GNB5: variants seen among roughly 807,000 people sequenced by gnomAD.
GNB5 encodes the protein G protein subunit beta 5.
A neutral mutation model predicts 55.3 loss-of-function variants in GNB5; 37 were observed. The observed-to-expected ratio is 0.67, with a 90% CI of 0.51 to 0.88. The LOEUF (loss-of-function observed/expected upper bound fraction) is 0.88, where lower values mean the gene tolerates loss of function less well. Ranked by LOEUF, GNB5 falls within the 40% of genes least tolerant of loss-of-function variation. The probability of loss-of-function intolerance (pLI) is 0.00; values close to 1 mark genes in which losing one functional copy is unlikely to be tolerated. For synonymous variants in GNB5, 219 were observed against 198.5 expected (o/e 1.10, Z -0.87); for missense variants, 476 against 515.3 (o/e 0.92, Z 0.74).
chr15:52,176,529 G>C (rs892748751), intron 3 of GNB5, among the ~76,000 whole-genome samples: 1 of 152,150 alleles, frequency 6.6e-6, no homozygotes, highest in Admixed American at 6.5e-5. Context: ...GGAGCTGGGC[G>C]AGTCTGGGCT....
intron 3 of GNB5, among the ~76,000 whole-genome samples, chr15:52,178,506 G>A (rs986331198): frequency 6.6e-6 from 1 of 152,214 alleles, no homozygotes; most frequent in Non-Finnish European, 1.5e-5. Flanking sequence ...GTGTGGAGAA[G>A]AAAGGCAGAA....
At chr15:52,154,179 T>C (rs1170621382) in intron 3 of GNB5, 103 bp from the exon 4 acceptor site, 7 of 1,042,948 alleles carry the variant, frequency 6.7e-6, no homozygotes, top group Non-Finnish European at 9.5e-6. Flanking sequence ...GGCGGCCCCA[T>C]GGGCTTCCTC....
chr15:52,161,161 C>T (rs1373924656), intron 3 of GNB5, among the ~76,000 whole-genome samples: 1 of 152,146 alleles, frequency 6.6e-6, no homozygotes, highest in Non-Finnish European at 1.5e-5. Flanking sequence ...ATACTTGGAT[C>T]CCTAAGAACA....
rs532045560 is a variant in GNB5 at position 52,138,022 on chromosome 15, T to C, written c.628-2266A>G. On this transcript the variant is annotated intron_variant, in intron 7 of 12. Coordinates refer to ENST00000261837, the MANE Select transcript of GNB5 (RefSeq NM_016194.4). ...ACCACTGACCACACCACACCTTCAA[T>C]TTCCAGCTGCTGATGGGATCTCTCC... 9.5e-5 allele frequency: 109 copies of C among 1,144,710 alleles called. No individual in the cohort carries two copies. The African/African-American group carries it at 1.6e-3, about 17-fold the overall frequency. The allele number at this position is 1,144,710 out of a possible 1,614,324, so 70.9% of individuals were successfully genotyped here.
At position 52,122,560 on chromosome 15, in the gene GNB5, G is replaced by A. The variant is rs2033297791; in HGVS notation, c.*197C>T. ...CTGTACTTGAAGGTATTCTCGCAGT[G>A]CTGAAGGCTCACACTAGTGTATTTC... On this transcript the variant is annotated 3_prime_UTR_variant, in exon 13 of 13. Transcript: ENST00000261837. 1 of 589,018 alleles carries A rather than the reference G, an allele frequency of 1.7e-6. No homozygotes were observed. The highest frequency in any genetic ancestry group is 2.8e-5 in the East Asian group (1 of 36,312). The allele number at this position is 589,018 out of a possible 1,614,324, so 36.5% of individuals were successfully genotyped here.
At chr15:52,187,597 A>T (rs189110696) in intron 1 of GNB5, among the ~76,000 whole-genome samples, 5 of 152,306 alleles carry the variant, frequency 3.3e-5, no homozygotes, top group Admixed American at 6.5e-5. Flanking sequence ...TTTTCTTCTC[A>T]AACTAAATTT....
chr15:52,169,861 C>A (rs2034526324), intron 3 of GNB5, among the ~76,000 whole-genome samples: 1 of 151,846 alleles, frequency 6.6e-6, no homozygotes, highest in Non-Finnish European at 1.5e-5. Context: ...AGAACTTAAA[C>A]AAATTTACAA....
At chr15:52,123,180 T>A (rs2033318872) in intron 12 of GNB5, among the ~76,000 whole-genome samples, 1 of 152,316 alleles carries the variant, frequency 6.6e-6, no homozygotes, top group African/African-American at 2.4e-5. Flanking sequence ...ACTTTTTTAT[T>A]TGTTTCAGGA....
intron 4 of GNB5, among the ~76,000 whole-genome samples, chr15:52,153,312 C>T (rs2034139570): frequency 1.3e-5 from 2 of 152,202 alleles, no homozygotes; most frequent in Admixed American, 1.3e-4. Context: ...TGAGTCTCCA[C>T]CTTAGTCCAG....
At chr15:52,175,095 A>G (rs550513093) in intron 3 of GNB5, among the ~76,000 whole-genome samples, 11 of 152,090 alleles carry the variant, frequency 7.2e-5, no homozygotes, top group African/African-American at 2.7e-4. Context: ...ACAAACAAAC[A>G]CACATACCTA....
chr15:52,125,410 T>A (rs3794539), intron 11 of GNB5: 44,155 of 152,814 alleles, frequency 0.29, 9,475 homozygotes, highest in African/African-American at 0.61. Flanking sequence ...GCCTCCTGAG[T>A]AGCTGGGATT....
intron 3 of GNB5, among the ~76,000 whole-genome samples, chr15:52,155,223 C>T (rs2034181836): frequency 6.6e-6 from 1 of 152,210 alleles, no homozygotes; most frequent in South Asian, 2.1e-4. Context: ...CAGGGGGAAA[C>T]AGCCTACGCA....
chr15:52,188,167 G>A (rs754701206), intron 1 of GNB5, among the ~76,000 whole-genome samples: 18 of 151,854 alleles, frequency 1.2e-4, no homozygotes, highest in African/African-American at 2.2e-4. Context: ...TCATCTTCAC[G>A]TCATTGCATA....
intron 2 of GNB5, among the ~76,000 whole-genome samples, chr15:52,183,645 T>C (rs552464855): frequency 2.0e-5 from 3 of 152,342 alleles, no homozygotes; most frequent in African/African-American, 7.2e-5. Flanking sequence ...GTAAAAGTCA[T>C]CTTTCCTCTC....
chr15:52,171,296 A>G (rs17612796), intron 3 of GNB5, among the ~76,000 whole-genome samples: 4,011 of 152,182 alleles, frequency 0.026, 74 homozygotes, highest in Middle Eastern at 0.051. Context: ...GAATGTTAAA[A>G]CTGGGCTCAA....
chr15:52,144,258 G>A (rs2033921879), intron 6 of GNB5: 1 of 152,242 alleles, frequency 6.6e-6, no homozygotes, highest in Non-Finnish European at 1.5e-5. Context: ...CTAAACTACT[G>A]TTGAAGACAT....
intron 4 of GNB5, among the ~76,000 whole-genome samples, chr15:52,152,121 A>G (rs1185359074): frequency 6.6e-6 from 1 of 151,690 alleles, no homozygotes; most frequent in Non-Finnish European, 1.5e-5. Context: ...CTAGATTTGT[A>G]GGTAATCTAG....
intron 3 of GNB5, among the ~76,000 whole-genome samples, chr15:52,176,198 C>T (rs927040321): frequency 2.0e-5 from 3 of 152,230 alleles, no homozygotes; most frequent in African/African-American, 7.2e-5. Context: ...CCCAGCCTCA[C>T]CAGACCCTTC....
In GNB5 at chr15:52,124,599, G is replaced by A. The variant is rs751677201; in HGVS notation, c.1050C>T (p.Asn350=). The stretch of plus-strand genomic sequence containing the variant: ...GGGACCCTTTGAGAACATCCCAGAC[G>A]TTGATAGTGTAATCATTGTATCCAG... ...LFAGYNDYTI[N]VWDVLKGSRV... Residue 350 remains asparagine (N), a synonymous_variant, in exon 12 of 13, where the codon AAC becomes AAT. Coordinates refer to ENST00000261837, the MANE Select transcript of GNB5 (RefSeq NM_016194.4). The A allele has an allele frequency of 1.4e-5, 23 of 1,613,912 alleles. No homozygotes were observed. The highest frequency in any genetic ancestry group is 6.7e-5 in the East Asian group (3 of 44,902).
Sources: allele counts gnomAD v4.1 joint callset (sites outside exome capture counted in the v4.1 genomes callset), GRCh38; gene constraint gnomAD v4.1.1; transcripts MANE v1.5; gene names NCBI Gene and HGNC (gene_info 2026-07-23, HGNC 2026-07-21).